Variants in SMG7 observed in about 807,000 individuals in gnomAD.
SMG7 encodes SMG7 nonsense mediated mRNA decay factor, also known as nonsense-mediated mRNA decay factor SMG7.
SMG7 carries 34 observed loss-of-function variants against 148.2 expected under a neutral mutation model. That is an observed-to-expected ratio of 0.23 (90% CI 0.17 to 0.31). The LOEUF is 0.31. SMG7 is among the 10% of genes least tolerant of loss of function. The pLI is 1.00. For synonymous variants in SMG7, 492 were observed against 515.1 expected, an observed-to-expected ratio of 0.96 and a Z score of 0.61; for missense variants, 1,114 against 1,408.4, an observed-to-expected ratio of 0.79 and a Z score of 3.35.
chr1:183,531,270 ACTAAGGGATTTAAGGC>A (rs1666804361), intron 8 of SMG7, among the ~76,000 whole-genome samples: 1 of 152,146 alleles, frequency 6.6e-6, no homozygotes, highest in Non-Finnish European at 1.5e-5. Flanking sequence ...GTTGAGGTCC[ACTAAGGGATTTAAGGC>A]CTGGGATCTG....
chr1:183,488,041 G>C (rs1007343225), intron 1 of SMG7, among the ~76,000 whole-genome samples: 1 of 152,178 alleles, frequency 6.6e-6, no homozygotes, highest in South Asian at 2.1e-4. Flanking sequence ...GGAAAGCCGT[G>C]TTCATATGTC....
chr1:183,504,505 T>A (rs1001280553), intron 1 of SMG7, among the ~76,000 whole-genome samples: 2 of 152,010 alleles, frequency 1.3e-5, no homozygotes, highest in African/African-American at 2.4e-5. Context: ...CATGCCCGGC[T>A]AATTTTTATA....
At chr1:183,489,319 G>A (rs1445184387) in intron 1 of SMG7, among the ~76,000 whole-genome samples, 1 of 152,052 alleles carries the variant, frequency 6.6e-6, no homozygotes, top group Non-Finnish European at 1.5e-5. Context: ...TTCTGCTTGG[G>A]CTGGGCAAGG....
At chr1:183,496,911 G>T (rs1658616934) in intron 1 of SMG7, among the ~76,000 whole-genome samples, 1 of 152,236 alleles carries the variant, frequency 6.6e-6, no homozygotes, top group South Asian at 2.1e-4. Flanking sequence ...GTCCTGGGCT[G>T]CATGTGGTCT....
chr1:183,538,479 T>C, intron 12 of SMG7, 39 bp downstream of exon 12: 1 of 1,329,788 alleles, frequency 7.5e-7, no homozygotes, highest in South Asian at 1.2e-5. Flanking sequence ...TTGCCAGTGA[T>C]TGCAGTATTA....
intron 1 of SMG7, among the ~76,000 whole-genome samples, chr1:183,486,637 C>G (rs1655500054): frequency 6.6e-6 from 1 of 151,316 alleles, no homozygotes; most frequent in Non-Finnish European, 1.5e-5. Context: ...TCTCGAACTC[C>G]TGACCTCGTG....
intron 2 of SMG7, 85 bp downstream of exon 2, chr1:183,512,953 G>A (rs1411374940): frequency 1.4e-5 from 18 of 1,241,396 alleles, no homozygotes; most frequent in Non-Finnish European, 2.0e-5. Context: ...ATTATGCACA[G>A]CACTAAATCC....
intron 1 of SMG7, among the ~76,000 whole-genome samples, chr1:183,504,851 C>T (rs1237375388): frequency 6.6e-6 from 1 of 152,096 alleles, no homozygotes; most frequent in Non-Finnish European, 1.5e-5. Flanking sequence ...CTCCCTACCC[C>T]CAGTATTTCC....
At chr1:183,512,244 C>G (rs1662309174) in intron 1 of SMG7, among the ~76,000 whole-genome samples, 1 of 152,166 alleles carries the variant, frequency 6.6e-6, no homozygotes. Context: ...TTAGCAAGAA[C>G]ATACCTAAGT....
At position 183,552,834 on chromosome 1, in the gene SMG7, G is replaced by A; in HGVS notation, c.*903G>A. On this transcript the variant is annotated 3_prime_UTR_variant, in exon 23 of 23. Transcript: ENST00000688051. ...GTTCTAATAGGTAGAAGCTTTCAGT[G>A]TGGTTATTTTTTCTTTGGTTGGTTT... 1.4e-6 allele frequency: 2 copies of A among 1,433,394 alleles called. No individual in the cohort carries two copies. The highest frequency in any genetic ancestry group is 1.5e-5 in the South Asian group (1 of 66,148). 88.8% of individuals were successfully genotyped at this position (1,433,394 alleles called of 1,614,324 possible). A position where few individuals can be genotyped will look rare whatever the true frequency, so the allele number is the denominator to read the frequency against.
intron 4 of SMG7, among the ~76,000 whole-genome samples, chr1:183,524,631 T>C (rs1665456415): frequency 6.6e-6 from 1 of 152,194 alleles, no homozygotes; most frequent in Non-Finnish European, 1.5e-5. Context: ...TTGAATTCTG[T>C]ACATGCTAGA....
At position 183,526,670 on chromosome 1, in the gene SMG7, C is replaced by T; in HGVS notation, c.387C>T (p.Ile129=). 6.2e-7 allele frequency: 1 copy of T among 1,613,372 alleles called. No homozygotes were observed. Among genetic ancestry groups the T allele is most frequent in the South Asian group, 1.1e-5 (1 of 90,960 alleles). Residue 129 remains isoleucine (I), a synonymous_variant, in exon 5 of 23, where the codon ATC becomes ATT. Coordinates refer to ENST00000688051, the MANE Select transcript of SMG7 (RefSeq NM_001375584.1). ...CRVKSSQLGI[I]SNKQTHTSAI... is the part of the protein sequence containing the mutation. ...TGAAGTCTTCCCAATTGGGAATTAT[C>T]AGCAATAAACAGACGCATACCAGCG... is the stretch of plus-strand genomic sequence containing the variant.
At chr1:183,477,732 GCATATATA>G (rs1469687066) in intron 1 of SMG7, among the ~76,000 whole-genome samples, 1 of 148,948 alleles carries the variant, frequency 6.7e-6, no homozygotes, top group Non-Finnish European at 1.5e-5. Flanking sequence ...GTGTATATAT[GCATATATA>G]CATGTGTGTG....
At chr1:183,501,689 A>G (rs930022864) in intron 1 of SMG7, among the ~76,000 whole-genome samples, 2 of 152,186 alleles carry the variant, frequency 1.3e-5, no homozygotes, top group African/African-American at 4.8e-5. Context: ...TTTTAAATCC[A>G]TGGCAGGGAC....
chr1:183,518,528 A>G (rs1287373074), intron 4 of SMG7: 3 of 152,210 alleles, frequency 2.0e-5, no homozygotes, highest in African/African-American at 4.8e-5. Context: ...TCATAGTATT[A>G]TTTATACAAT....
At chr1:183,496,888 C>T (rs1051119401) in intron 1 of SMG7, among the ~76,000 whole-genome samples, 5 of 152,154 alleles carry the variant, frequency 3.3e-5, no homozygotes, top group African/African-American at 9.7e-5. Context: ...TGTGTTGGGC[C>T]GCAGTTAAAG....
In SMG7 at chr1:183,542,227, C is replaced by T. The variant is rs1242002969; in HGVS notation, c.1567C>T (p.Leu523=). The stretch of plus-strand genomic sequence containing the variant: ...GCTGGCTGCAGATGGGAGCCCAGGG[C>T]TAAAATCAGTGCTATCTACAAGCCG... ...ESLAADGSPG[L]KSVLSTSRNL... The change falls in exon 14 of 23, where the codon CTA becomes TTA. Residue 523 remains leucine, a synonymous_variant. Transcript: ENST00000688051. The T allele has an allele frequency of 8.7e-6, 14 of 1,614,028 alleles. No individual in the cohort carries two copies. The highest frequency in any genetic ancestry group is 1.2e-5 in the Non-Finnish European group (14 of 1,179,986).
intron 10 of SMG7, among the ~76,000 whole-genome samples, chr1:183,534,278 A>G (rs1211728283): frequency 6.6e-6 from 1 of 152,214 alleles, no homozygotes; most frequent in Non-Finnish European, 1.5e-5. Context: ...TGAAGCATAA[A>G]GATTGAAAGT....
At chr1:183,529,605 C>T (rs1666509683) in intron 8 of SMG7, 72 bp downstream of exon 8, 2 of 1,291,100 alleles carry the variant, frequency 1.5e-6, no homozygotes, top group Non-Finnish European at 2.2e-6. Flanking sequence ...GAAACTGACT[C>T]CCAGTTTTTG....
Sources: gnomAD v4.1 joint callset for allele counts (sites outside exome capture counted in the v4.1 genomes callset) on GRCh38, gnomAD v4.1.1 for gene constraint, MANE v1.5 for transcripts, NCBI Gene and HGNC (gene_info 2026-07-23, HGNC 2026-07-21) for gene names.